SLC24A2: variants seen among roughly 807,000 people sequenced by gnomAD.
SLC24A2 encodes solute carrier family 24 member 2.
A neutral mutation model predicts 62.0 loss-of-function variants in SLC24A2; 36 were observed. The ratio of observed to expected loss-of-function variants is 0.58; its 90% CI spans 0.44 to 0.77. The LOEUF is 0.77. Ranked by LOEUF, SLC24A2 falls within the 30% of genes least tolerant of loss-of-function variation. The probability of loss-of-function intolerance (pLI) is 0.00; values close to 1 mark genes in which losing one functional copy is unlikely to be tolerated. For synonymous variants in SLC24A2, 358 were observed against 294.0 expected, an observed-to-expected ratio of 1.22 and a Z score of -2.23; for missense variants, 846 against 817.9, an observed-to-expected ratio of 1.03 and a Z score of -0.42.
the SLC24A2 span, among the ~76,000 whole-genome samples, chr9:20,061,079 A>C: frequency 2.0e-5 from 3 of 152,210 alleles, no homozygotes; most frequent in Non-Finnish European, 4.4e-5. Flanking sequence ...TATGGATTAT[A>C]AAATTCAAGG....
the SLC24A2 span, among the ~76,000 whole-genome samples, chr9:20,024,801 C>A: frequency 1.3e-5 from 2 of 152,046 alleles, no homozygotes; most frequent in African/African-American, 4.8e-5. Flanking sequence ...GAGGACTAGT[C>A]CCAAAGCATG....
At chr9:19,517,957 A>ACACACACACACACT (rs71504202) in intron 10 of SLC24A2, among the ~76,000 whole-genome samples, 2 of 135,480 alleles carry the variant, frequency 1.5e-5, no homozygotes, top group Admixed American at 7.4e-5. Context: ...ACACACACAC[A>ACACACACACACACT]CTCTCACACT....
At chr9:20,027,819 AAT>A in the SLC24A2 span, among the ~76,000 whole-genome samples, 1 of 152,336 alleles carries the variant, frequency 6.6e-6, no homozygotes, top group African/African-American at 2.4e-5. Flanking sequence ...TATGTGAGGT[AAT>A]ATATTTGTTG....
upstream of SLC24A2, among the ~76,000 whole-genome samples, chr9:19,790,976 AT>A (rs1358622357): frequency 7.2e-5 from 11 of 152,226 alleles, no homozygotes; most frequent in African/African-American, 2.7e-4. Flanking sequence ...TGAGATCCAG[AT>A]GAAGACCTCA....
At position 19,514,539 on chromosome 9, in the gene SLC24A2, A is replaced by C. The variant is rs890479950; in HGVS notation, c.*1614T>G. ...TTCCCCCTTGCTGGCTTTATTTTCG[A>C]CTGACATAGATCTGAGAAAACACAC... On this transcript the variant is annotated 3_prime_UTR_variant, in exon 11 of 11. Coordinates refer to ENST00000341998, the MANE Select transcript of SLC24A2 (RefSeq NM_020344.4). The C allele has an allele frequency of 1.3e-5, 2 of 152,080 alleles. No homozygotes were observed. The highest frequency in any genetic ancestry group is 2.9e-5 in the Non-Finnish European group (2 of 68,016). The allele number at this position is 152,080 out of a possible 1,614,324, so 9.4% of individuals were successfully genotyped here.
At chr9:20,062,706 C>T in the SLC24A2 span, among the ~76,000 whole-genome samples, 2 of 119,884 alleles carry the variant, frequency 1.7e-5, no homozygotes, top group South Asian at 3.1e-4. Context: ...GAACAGGCAA[C>T]CTACAAAATG....
chr9:20,295,196 C>G, the SLC24A2 span, among the ~76,000 whole-genome samples: 5 of 152,048 alleles, frequency 3.3e-5, no homozygotes, highest in Non-Finnish European at 5.9e-5. Flanking sequence ...CATCTAAAAT[C>G]CCTAATCTCT....
the SLC24A2 span, among the ~76,000 whole-genome samples, chr9:20,061,718 A>G: frequency 1.3e-5 from 2 of 152,372 alleles, no homozygotes; most frequent in Admixed American, 1.3e-4. Flanking sequence ...TGCAAGAATT[A>G]AAAGTATAAA....
At chr9:20,253,476 G>C in the SLC24A2 span, among the ~76,000 whole-genome samples, 1 of 152,176 alleles carries the variant, frequency 6.6e-6, no homozygotes, top group Non-Finnish European at 1.5e-5. Flanking sequence ...GATAAAAGGA[G>C]AGAGACCAAA....
chr9:19,745,634 G>A (rs989735172), intron 2 of SLC24A2, among the ~76,000 whole-genome samples: 1 of 152,144 alleles, frequency 6.6e-6, no homozygotes, highest in Admixed American at 6.6e-5. Flanking sequence ...CCTGTTGCCA[G>A]AGAGCAATTA....
At chr9:20,105,490 C>T in the SLC24A2 span, among the ~76,000 whole-genome samples, 2 of 151,792 alleles carry the variant, frequency 1.3e-5, no homozygotes, top group Admixed American at 1.3e-4. Flanking sequence ...GAAATTATAA[C>T]AAACTGTCTC....
the SLC24A2 span, among the ~76,000 whole-genome samples, chr9:20,201,949 G>A: frequency 6.6e-6 from 1 of 151,966 alleles, no homozygotes; most frequent in Non-Finnish European, 1.5e-5. Context: ...AATAGAGAGG[G>A]AATTGTAGAA....
At chr9:20,285,755 T>C in the SLC24A2 span, among the ~76,000 whole-genome samples, 1 of 152,168 alleles carries the variant, frequency 6.6e-6, no homozygotes, top group Admixed American at 6.5e-5. Flanking sequence ...ATTACGATCA[T>C]AAGGGTGGGG....
chr9:19,960,185 T>TAC, the SLC24A2 span, among the ~76,000 whole-genome samples: 7 of 151,790 alleles, frequency 4.6e-5, no homozygotes, highest in East Asian at 1.2e-3. Context: ...AACACACACA[T>TAC]ACACACACAC....
the SLC24A2 span, among the ~76,000 whole-genome samples, chr9:20,019,111 A>G: frequency 1.9e-3 from 48 of 24,670 alleles, no homozygotes; most frequent in East Asian, 0.02. Flanking sequence ...GATAGAAAGA[A>G]AGAAAGAAAG....
At chr9:19,757,399 T>C (rs773136647) in intron 2 of SLC24A2, among the ~76,000 whole-genome samples, 2 of 152,126 alleles carry the variant, frequency 1.3e-5, no homozygotes, top group Non-Finnish European at 2.9e-5. Flanking sequence ...AGAAAAAAAA[T>C]TGTAAAGCAG....
At chr9:19,674,909 C>G (rs1384719907) in intron 2 of SLC24A2, among the ~76,000 whole-genome samples, 3 of 152,232 alleles carry the variant, frequency 2.0e-5, no homozygotes, top group African/African-American at 7.2e-5. Context: ...CTAGTGTGAT[C>G]TTTTGGGAGT....
intron 7 of SLC24A2, among the ~76,000 whole-genome samples, chr9:19,561,309 TAAGATAAGTGAAAAA>T (rs1244170823): frequency 6.9e-6 from 1 of 145,566 alleles, no homozygotes; most frequent in African/African-American, 2.8e-5. Context: ...CTCTTATCCA[TAAGATAAGTGAAAAA>T]GAGGTAAGTT....
At chr9:20,192,176 T>G in the SLC24A2 span, among the ~76,000 whole-genome samples, 5 of 152,044 alleles carry the variant, frequency 3.3e-5, no homozygotes, top group Non-Finnish European at 7.4e-5. Flanking sequence ...AAGTCAGAGG[T>G]AACTGCTTAA....
Sources: allele counts gnomAD v4.1 joint callset (sites outside exome capture counted in the v4.1 genomes callset), GRCh38; gene constraint gnomAD v4.1.1; transcripts MANE v1.5; gene names NCBI Gene and HGNC (gene_info 2026-07-23, HGNC 2026-07-21).